The following SH3GL2 variants were observed in gnomAD, a reference collection of about 807,000 sequenced individuals.
SH3GL2 encodes the protein endophilin-A1.
Under a neutral mutation model 46.0 loss-of-function variants are expected in SH3GL2, and 24 were observed. That is an observed-to-expected ratio of 0.52 (90% CI 0.38 to 0.73). The LOEUF (loss-of-function observed/expected upper bound fraction) is 0.73, where lower values mean the gene tolerates loss of function less well. SH3GL2 is among the 30% of genes least tolerant of loss of function. The pLI is 0.00. For synonymous variants in SH3GL2, 196 were observed against 147.1 expected (o/e 1.33, Z -2.40); for missense variants, 413 against 424.2 (o/e 0.97, Z 0.23).
intron 1 of SH3GL2, among the ~76,000 whole-genome samples, chr9:17,737,861 C>G (rs1006772082): frequency 2.6e-5 from 4 of 152,030 alleles, no homozygotes; most frequent in African/African-American, 4.8e-5. Flanking sequence ...TGCTTGTTTG[C>G]TTTTTGTCAT....
intron 1 of SH3GL2, among the ~76,000 whole-genome samples, chr9:17,674,134 T>G (rs1820544634): frequency 6.6e-6 from 1 of 152,236 alleles, no homozygotes; most frequent in Non-Finnish European, 1.5e-5. Flanking sequence ...TTCTTTTTAA[T>G]GCAAATGAGA....
At chr9:17,583,860 G>T (rs1818322032) in intron 1 of SH3GL2, among the ~76,000 whole-genome samples, 1 of 152,074 alleles carries the variant, frequency 6.6e-6, no homozygotes, top group East Asian at 1.9e-4. Flanking sequence ...GTCTTTTCAT[G>T]CATTTGTTGA....
At chr9:17,659,821 C>A (rs1328311883) in intron 1 of SH3GL2, among the ~76,000 whole-genome samples, 1 of 152,186 alleles carries the variant, frequency 6.6e-6, no homozygotes, top group South Asian at 2.1e-4. Flanking sequence ...TTAAGACTCA[C>A]TGCTTGAGAG....
intron 1 of SH3GL2, among the ~76,000 whole-genome samples, chr9:17,640,100 T>C (rs572820147): frequency 7.5e-4 from 114 of 152,268 alleles, no homozygotes; most frequent in African/African-American, 2.6e-3. Flanking sequence ...CATCAAAATA[T>C]AAAATTAAAA....
chr9:17,586,981 C>G (rs746704125), intron 1 of SH3GL2, among the ~76,000 whole-genome samples: 1 of 152,164 alleles, frequency 6.6e-6, no homozygotes, highest in Non-Finnish European at 1.5e-5. Flanking sequence ...TCGAGGCAGG[C>G]AGATCACTTG....
At position 17,793,354 on chromosome 9, in the gene SH3GL2, C is replaced by T. The variant is rs566837683; in HGVS notation, c.729-13C>T. 2.0e-4 allele frequency: 327 copies of T among 1,602,274 alleles called. 4 individuals are homozygous for T. In the South Asian group the frequency reaches 2.5e-3, roughly 12 times the overall value. ...GTTACATAACCTTTCCACCACTTTT[C>T]TTTTTACTGCAGAATAAGACAGGCT... On this transcript the variant is annotated splice_polypyrimidine_tract_variant and intron_variant, in intron 7 of 8. Coordinates refer to ENST00000380607, the MANE Select transcript of SH3GL2 (RefSeq NM_003026.5).
At chr9:17,739,431 C>G (rs1488798490) in intron 1 of SH3GL2, among the ~76,000 whole-genome samples, 2 of 151,840 alleles carry the variant, frequency 1.3e-5, no homozygotes, top group Non-Finnish European at 2.9e-5. Context: ...CAGATACTGT[C>G]TTTTTATATT....
intron 1 of SH3GL2, among the ~76,000 whole-genome samples, chr9:17,724,656 A>G (rs73645158): frequency 0.1 from 15,889 of 152,162 alleles, 973 homozygotes; most frequent in Admixed American, 0.19. Flanking sequence ...TTTAGATACT[A>G]TGGTAACTCT....
chr9:17,768,842 T>C (rs891115381), intron 3 of SH3GL2, among the ~76,000 whole-genome samples: 1 of 152,222 alleles, frequency 6.6e-6, no homozygotes, highest in Non-Finnish European at 1.5e-5. Context: ...TTATATCACA[T>C]GAGTTCCCCT....
At chr9:17,588,197 C>T (rs1588157911) in intron 1 of SH3GL2, among the ~76,000 whole-genome samples, 2 of 151,974 alleles carry the variant, frequency 1.3e-5, no homozygotes, top group East Asian at 3.9e-4. Context: ...TTCAAGGTTG[C>T]CAAAGGGAAA....
intron 1 of SH3GL2, among the ~76,000 whole-genome samples, chr9:17,663,185 A>G (rs1465020911): frequency 1.3e-5 from 2 of 152,202 alleles, no homozygotes; most frequent in Non-Finnish European, 2.9e-5. Context: ...TTTTAAATAA[A>G]TGTGTCTGTT....
intron 1 of SH3GL2, among the ~76,000 whole-genome samples, chr9:17,607,769 T>A (rs940253080): frequency 6.6e-6 from 1 of 152,198 alleles, no homozygotes; most frequent in Non-Finnish European, 1.5e-5. Flanking sequence ...CAAGAGCTTG[T>A]CCTTTTTGAT....
At chr9:17,757,448 C>G (rs1823029557) in intron 2 of SH3GL2, among the ~76,000 whole-genome samples, 1 of 150,214 alleles carries the variant, frequency 6.7e-6, no homozygotes, top group Non-Finnish European at 1.5e-5. Flanking sequence ...ACAAAGAACT[C>G]AAACAAATTT....
chr9:17,683,843 G>A (rs1820835963), intron 1 of SH3GL2, among the ~76,000 whole-genome samples: 2 of 152,182 alleles, frequency 1.3e-5, no homozygotes, highest in South Asian at 2.1e-4. Flanking sequence ...ACAGGGTGAC[G>A]CCAAGGACAC....
intron 5 of SH3GL2, among the ~76,000 whole-genome samples, chr9:17,788,776 C>A (rs1350965918): frequency 6.6e-6 from 1 of 152,052 alleles, no homozygotes; most frequent in Non-Finnish European, 1.5e-5. Flanking sequence ...AACTAAATCA[C>A]TGGATTTAGT....
chr9:17,727,205 A>T (rs1207299983), intron 1 of SH3GL2, among the ~76,000 whole-genome samples: 1 of 152,198 alleles, frequency 6.6e-6, no homozygotes, highest in East Asian at 1.9e-4. Flanking sequence ...AGGTTGTATA[A>T]GGTTGTATGC....
intron 1 of SH3GL2, among the ~76,000 whole-genome samples, chr9:17,620,261 T>A (rs545670462): frequency 2.6e-4 from 40 of 152,172 alleles, no homozygotes; most frequent in Non-Finnish European, 4.4e-4. Flanking sequence ...AAACAACCAT[T>A]CAGTAAACAT....
chr9:17,729,874 A>G (rs953841196), intron 1 of SH3GL2, among the ~76,000 whole-genome samples: 1 of 152,136 alleles, frequency 6.6e-6, no homozygotes, highest in Non-Finnish European at 1.5e-5. Flanking sequence ...CTTGTACTAT[A>G]GTTTGAAGTC....
chr9:17,783,943 C>G (rs1325346052), intron 3 of SH3GL2, among the ~76,000 whole-genome samples: 1 of 152,086 alleles, frequency 6.6e-6, no homozygotes, highest in Admixed American at 6.5e-5. Context: ...CTCTCAGTTT[C>G]TTAAAGTACT....
Sources: gnomAD v4.1 joint callset for allele counts (sites outside exome capture counted in the v4.1 genomes callset) on GRCh38, gnomAD v4.1.1 for gene constraint, MANE v1.5 for transcripts, NCBI Gene and HGNC (gene_info 2026-07-23, HGNC 2026-07-21) for gene names.